EPS15: variants seen among roughly 807,000 people sequenced by gnomAD.
The protein encoded by EPS15 is epidermal growth factor receptor substrate 15.
A neutral mutation model predicts 113.8 loss-of-function variants in EPS15; 72 were observed. The ratio of observed to expected loss-of-function variants is 0.63; its 90% CI spans 0.52 to 0.77. EPS15 has a LOEUF of 0.77. EPS15 is among the 30% of genes least tolerant of loss of function. The pLI, the probability that EPS15 is intolerant of heterozygous loss-of-function variation, is 0.00. For missense variants in EPS15, 1,048 were observed against 1,045.8 expected, an observed-to-expected ratio of 1.00 and a Z score of -0.03; for synonymous variants, 344 against 363.4, an observed-to-expected ratio of 0.95 and a Z score of 0.61.
intron 6 of EPS15, among the ~76,000 whole-genome samples, chr1:51,464,071 G>C (rs1391639234): frequency 2.6e-5 from 4 of 151,902 alleles, no homozygotes; most frequent in African/African-American, 9.7e-5. Context: ...CCAACTATTG[G>C]GTTAGAATCA....
chr1:51,372,210 T>C (rs1314087979), intron 21 of EPS15: 2 of 446,486 alleles, frequency 4.5e-6, no homozygotes, highest in African/African-American at 2.0e-5. Flanking sequence ...TTGCTGCTAC[T>C]GCTGGAGTTT....
At chr1:51,454,901 T>A (rs1653862636) in intron 8 of EPS15, among the ~76,000 whole-genome samples, 1 of 148,452 alleles carries the variant, frequency 6.7e-6, no homozygotes, top group Non-Finnish European at 1.5e-5. Context: ...TTTCTATAAA[T>A]CTAAAATCAC....
intron 2 of EPS15, among the ~76,000 whole-genome samples, chr1:51,480,985 G>T (rs1284111877): frequency 6.6e-6 from 1 of 152,144 alleles, no homozygotes; most frequent in African/African-American, 2.4e-5. Flanking sequence ...GAAGTTATTT[G>T]TATTTGTCTT....
intron 13 of EPS15, among the ~76,000 whole-genome samples, chr1:51,415,896 C>A (rs1239854865): frequency 6.9e-6 from 1 of 145,686 alleles, no homozygotes; most frequent in Non-Finnish European, 1.5e-5. Flanking sequence ...AATTATTAAA[C>A]TGCACAAAAT....
intron 21 of EPS15, among the ~76,000 whole-genome samples, chr1:51,370,685 A>T (rs1453183686): frequency 1.3e-5 from 2 of 151,424 alleles, no homozygotes; most frequent in African/African-American, 4.9e-5. Context: ...CAGTGGCATA[A>T]CCTCAGCTCA....
At chr1:51,454,069 A>T (rs1381108768) in intron 8 of EPS15, among the ~76,000 whole-genome samples, 1 of 148,702 alleles carries the variant, frequency 6.7e-6, no homozygotes, top group Non-Finnish European at 1.5e-5. Flanking sequence ...AAAAAAAAAA[A>T]AAAGGGAAAA....
At chr1:51,372,241 C>A (rs1249194467) in intron 21 of EPS15, 2 of 476,954 alleles carry the variant, frequency 4.2e-6, no homozygotes, top group Non-Finnish European at 4.3e-6. Context: ...GGGAGCTAGG[C>A]CTAGTGGGCG....
At chr1:51,390,104 T>C (rs1647222548) in intron 21 of EPS15, among the ~76,000 whole-genome samples, 1 of 152,156 alleles carries the variant, frequency 6.6e-6, no homozygotes, top group Non-Finnish European at 1.5e-5. Flanking sequence ...ATGGTACTGG[T>C]ACCAAAACAG....
chr1:51,488,577 C>T lies in EPS15; in HGVS notation c.34-7263G>A, dbSNP rs116671026. Among the ~76,000 whole-genome samples the T allele has an allele frequency of 5.2e-3, 783 of 151,656 alleles. 8 individuals carry two copies. Among genetic ancestry groups the T allele is most frequent in the African/African-American group, 0.018 (728 of 41,392 alleles). On this transcript the variant is annotated intron_variant, in intron 1 of 24. Transcript: ENST00000371733. ...GATCTTTAGTAGCTTATTTTACCTC[C>T]TTGAAAAGCCTGTTTCCTGATCTGG...
At chr1:51,422,085 G>A in intron 12 of EPS15, 1 of 1,186,246 alleles carries the variant, frequency 8.4e-7, no homozygotes, top group Non-Finnish European at 1.1e-6. Context: ...GTGGTGAAAA[G>A]AGGATAGATT....
At chr1:51,373,988 C>G (rs1247595483) in intron 21 of EPS15, among the ~76,000 whole-genome samples, 1 of 152,086 alleles carries the variant, frequency 6.6e-6, no homozygotes, top group African/African-American at 2.4e-5. Flanking sequence ...ACAGTCACAG[C>G]TTGTGGTTTC....
chr1:51,453,555 T>C (rs1386732981), intron 8 of EPS15, among the ~76,000 whole-genome samples: 1 of 152,136 alleles, frequency 6.6e-6, no homozygotes, highest in Non-Finnish European at 1.5e-5. Flanking sequence ...TAGTAACTAG[T>C]TGTCAAACTG....
At chr1:51,441,325 C>T (rs1162186855) in intron 11 of EPS15, among the ~76,000 whole-genome samples, 1 of 152,038 alleles carries the variant, frequency 6.6e-6, no homozygotes, top group East Asian at 1.9e-4. Flanking sequence ...TCTACCTTGG[C>T]TCAATGTCCT....
rs112352599 is a variant in EPS15, at chr1:51,463,701, G to C, written c.473C>G (p.Ser158Cys). 2.8e-5 allele frequency: 44 copies of C among 1,599,112 alleles called. No homozygotes were observed. The highest frequency in any genetic ancestry group is 8.6e-7 in the Non-Finnish European group (1 of 1,167,602). Reference protein sequence around the residue: ...GDKVKPVLLNSKLPVDILGRV... With the variant: ...GDKVKPVLLNCKLPVDILGRV... ...TCCAAGGATATCCACAGGTAACTTAGAGTTGAGCAACACTGGTTTCACTTT... is the reference window on the plus strand; with the variant it reads ...TCCAAGGATATCCACAGGTAACTTACAGTTGAGCAACACTGGTTTCACTTT... Residue 158 changes from serine to cysteine, a missense_variant, in exon 7 of 25, where the codon TCT (serine) becomes TGT (cysteine). Coordinates refer to ENST00000371733, the MANE Select transcript of EPS15 (RefSeq NM_001981.3).
At chr1:51,453,450 CTTA>C (rs1218711697) in intron 8 of EPS15, among the ~76,000 whole-genome samples, 1 of 152,002 alleles carries the variant, frequency 6.6e-6, no homozygotes, top group Non-Finnish European at 1.5e-5. Flanking sequence ...ATTTTGTTTT[CTTA>C]TTATATTGTA....
chr1:51,417,871 TTC>T (rs1385297854), intron 13 of EPS15, among the ~76,000 whole-genome samples: 8 of 152,196 alleles, frequency 5.3e-5, no homozygotes, highest in Non-Finnish European at 7.3e-5. Flanking sequence ...TTTCATCTTT[TTC>T]TCTGTCTCCA....
chr1:51,431,138 CTATT>C (rs1314189747), intron 12 of EPS15, among the ~76,000 whole-genome samples: 1 of 151,802 alleles, frequency 6.6e-6, no homozygotes, highest in Non-Finnish European at 1.5e-5. Flanking sequence ...AGTTGGGCCT[CTATT>C]TATAGTTTGC....
chr1:51,494,796 C>T (rs184529119), intron 1 of EPS15, among the ~76,000 whole-genome samples: 206 of 152,308 alleles, frequency 1.4e-3, no homozygotes, highest in African/African-American at 4.8e-3. Flanking sequence ...TCAAATTTCC[C>T]TTTTTATAAG....
intron 1 of EPS15, among the ~76,000 whole-genome samples, chr1:51,486,957 A>G (rs1644135319): frequency 6.6e-6 from 1 of 152,198 alleles, no homozygotes; most frequent in Non-Finnish European, 1.5e-5. Context: ...GGCATAAGCC[A>G]CTGCGCCCAG....
Sources: gnomAD v4.1 joint callset for allele counts (sites outside exome capture counted in the v4.1 genomes callset) on GRCh38, gnomAD v4.1.1 for gene constraint, MANE v1.5 for transcripts, NCBI Gene and HGNC (gene_info 2026-07-23, HGNC 2026-07-21) for gene names.